Variants in AFAP1L2 observed in about 807,000 individuals in gnomAD.
AFAP1L2 encodes the protein actin filament-associated protein 1-like 2.
Under a neutral mutation model 99.3 loss-of-function variants are expected in AFAP1L2, and 46 were observed. That is an observed-to-expected ratio of 0.46 (90% CI 0.37 to 0.59). AFAP1L2 has a LOEUF of 0.59. Ranked by LOEUF, AFAP1L2 falls within the 20% of genes least tolerant of loss-of-function variation. The pLI, the probability that AFAP1L2 is intolerant of heterozygous loss-of-function variation, is 0.00. For synonymous variants in AFAP1L2, 397 were observed against 419.1 expected, an observed-to-expected ratio of 0.95 and a Z score of 0.64; for missense variants, 959 against 1,034.9, an observed-to-expected ratio of 0.93 and a Z score of 1.01.
intron 1 of AFAP1L2, among the ~76,000 whole-genome samples, chr10:114,349,414 G>C (rs1018672230): frequency 6.9e-6 from 1 of 145,064 alleles, no homozygotes; most frequent in African/African-American, 2.5e-5. Context: ...GAAAAGAAAA[G>C]AGAAACAAAA....
chr10:114,404,464 C>T lies in AFAP1L2; in HGVS notation c.-9G>A. 1.3e-6 allele frequency: 2 copies of T among 1,539,346 alleles called. No individual in the cohort carries two copies. Among genetic ancestry groups the T allele is most frequent in the South Asian group, 2.4e-5 (2 of 83,852 alleles). Reference sequence around the variant, plus strand: ...CCTTTGTACCGCTCCATCGGGGCCACGGAGTGCGCTCCTCGCGGCTCGGCT... The same window carrying T: ...CCTTTGTACCGCTCCATCGGGGCCATGGAGTGCGCTCCTCGCGGCTCGGCT... On this transcript the variant is annotated 5_prime_UTR_variant, in exon 1 of 19. It adds an upstream start codon to the 5' untranslated region. Coordinates refer to ENST00000304129, the MANE Select transcript of AFAP1L2 (RefSeq NM_001001936.3).
chr10:114,281,387 T>C, the AFAP1L2 span: 1 of 151,996 alleles, frequency 6.6e-6, no homozygotes. Flanking sequence ...GGATTTGGAG[T>C]CATGGTCAGG....
downstream of AFAP1L2, among the ~76,000 whole-genome samples, chr10:114,294,164 C>T (rs910132506): frequency 6.6e-6 from 1 of 151,930 alleles, no homozygotes; most frequent in Admixed American, 6.6e-5. Flanking sequence ...TTCTATAAAC[C>T]CTGCTGAATT....
chr10:114,327,147 T>TTATATATATA (rs369500918), intron 4 of AFAP1L2, among the ~76,000 whole-genome samples: 3 of 54,538 alleles, frequency 5.5e-5, no homozygotes, highest in African/African-American at 1.2e-4. Context: ...TTATATATAT[T>TTATATATATA]TATATATATA....
intron 1 of AFAP1L2, among the ~76,000 whole-genome samples, chr10:114,360,367 T>C (rs1174717442): frequency 6.6e-6 from 1 of 152,194 alleles, no homozygotes; most frequent in Non-Finnish European, 1.5e-5. Context: ...ATTGACTCTC[T>C]TAGGTTTCTA....
downstream of AFAP1L2, among the ~76,000 whole-genome samples, chr10:114,291,879 T>G (rs1589859762): frequency 6.6e-6 from 1 of 152,156 alleles, no homozygotes; most frequent in Non-Finnish European, 1.5e-5. Context: ...ACCAGCTTGT[T>G]TGATGATGGG....
intron 5 of AFAP1L2, among the ~76,000 whole-genome samples, chr10:114,316,744 T>C (rs952201078): frequency 2.6e-5 from 4 of 152,204 alleles, no homozygotes; most frequent in African/African-American, 4.8e-5. Context: ...CATCGATTGA[T>C]TGATCTATCT....
intron 1 of AFAP1L2, among the ~76,000 whole-genome samples, chr10:114,396,355 C>T (rs1382841074): frequency 6.6e-6 from 1 of 152,224 alleles, no homozygotes; most frequent in Non-Finnish European, 1.5e-5. Context: ...AGAGTCCATT[C>T]AGATCACCCA....
chr10:114,390,635 C>T (rs960323405), intron 1 of AFAP1L2, among the ~76,000 whole-genome samples: 4 of 148,704 alleles, frequency 2.7e-5, no homozygotes, highest in African/African-American at 9.9e-5. Flanking sequence ...GTAGGAGAAT[C>T]GCTTGAACCT....
chr10:114,291,356 T>A (rs2039582400), downstream of AFAP1L2: 1 of 1,247,834 alleles, frequency 8.0e-7, no homozygotes, highest in Non-Finnish European at 1.1e-6. Context: ...GTCCTTAGAA[T>A]GTCTGCTTCC....
At chr10:114,365,690 G>A (rs187205373) in intron 1 of AFAP1L2, among the ~76,000 whole-genome samples, 6 of 150,288 alleles carry the variant, frequency 4.0e-5, no homozygotes, top group East Asian at 3.9e-4. Flanking sequence ...TTCTTTGACC[G>A]CCCTTACTTT....
At chr10:114,288,964 G>T in the AFAP1L2 span, 2 of 1,612,510 alleles carry the variant, frequency 1.2e-6, no homozygotes, top group South Asian at 1.1e-5. Flanking sequence ...CCTGGACCTC[G>T]TCTTCATGTT....
the AFAP1L2 span, among the ~76,000 whole-genome samples, chr10:114,288,603 C>T: frequency 6.6e-6 from 1 of 152,340 alleles, no homozygotes; most frequent in East Asian, 1.9e-4. Flanking sequence ...CACCATTTCT[C>T]AGCCAGCAGG....
chr10:114,295,546 G>C lies in AFAP1L2; in HGVS notation c.*496C>G. 1 of 985,884 alleles carries C rather than the reference G, an allele frequency of 1.0e-6. No individual in the cohort carries two copies. Among genetic ancestry groups the C allele is most frequent in the South Asian group, 4.7e-5 (1 of 21,292 alleles). 61.1% of individuals were successfully genotyped at this position (985,884 alleles called of 1,614,324 possible). On this transcript the variant is annotated 3_prime_UTR_variant, in exon 19 of 19. Transcript: ENST00000304129. ...TTTAAAATCACTGAAGACTGAGTTGGGCCTGGTAATATTGGAGAGAACTGA... is the reference window on the plus strand; with the variant it reads ...TTTAAAATCACTGAAGACTGAGTTGCGCCTGGTAATATTGGAGAGAACTGA...
chr10:114,282,903 CCT>C, the AFAP1L2 span, among the ~76,000 whole-genome samples: 1 of 152,176 alleles, frequency 6.6e-6, no homozygotes, highest in Non-Finnish European at 1.5e-5. Flanking sequence ...GTGATTTCCT[CCT>C]CTATAAAACA....
chr10:114,401,813 A>G (rs963968968), intron 1 of AFAP1L2, among the ~76,000 whole-genome samples: 1 of 152,218 alleles, frequency 6.6e-6, no homozygotes, highest in South Asian at 2.1e-4. Flanking sequence ...TCAGAGCCCA[A>G]AAATGATAGG....
At position 114,294,960 on chromosome 10, in the gene AFAP1L2, TACAC is replaced by T. The variant is rs1299581875; in HGVS notation, c.*1078_*1081del. Reference sequence around the variant, plus strand: ...TCAGGAACAAGTGTTAGAGAACTGATACACAACCCTCCAGAAATGAGGCAGAGAT... The same window carrying T: ...TCAGGAACAAGTGTTAGAGAACTGATAACCCTCCAGAAATGAGGCAGAGAT... On this transcript the variant is annotated 3_prime_UTR_variant, in exon 19 of 19. Coordinates refer to ENST00000304129, the MANE Select transcript of AFAP1L2 (RefSeq NM_001001936.3). The T allele has an allele frequency of 2.1e-5, 21 of 979,082 alleles. No individual in the cohort carries two copies. The highest frequency in any genetic ancestry group is 2.4e-5 in the Non-Finnish European group (20 of 828,580). 60.6% of individuals were successfully genotyped at this position (979,082 alleles called of 1,614,324 possible).
chr10:114,283,708 C>T, the AFAP1L2 span, among the ~76,000 whole-genome samples: 1 of 152,176 alleles, frequency 6.6e-6, no homozygotes, highest in Admixed American at 6.5e-5. Context: ...GAAATGGGAC[C>T]ATGCGTGTAT....
At chr10:114,289,545 A>G in the AFAP1L2 span, 1 of 1,589,386 alleles carries the variant, frequency 6.3e-7, no homozygotes, top group Non-Finnish European at 8.6e-7. Context: ...CCTCAGCCTG[A>G]GCCTTCACAT....
Sources: gnomAD v4.1 joint callset for allele counts (sites outside exome capture counted in the v4.1 genomes callset) on GRCh38, gnomAD v4.1.1 for gene constraint, MANE v1.5 for transcripts, NCBI Gene and HGNC (gene_info 2026-07-23, HGNC 2026-07-21) for gene names.